Variants in TMED3 observed in about 807,000 individuals in gnomAD.
TMED3 encodes the protein transmembrane p24 trafficking protein 3, also known as transmembrane emp24 domain-containing protein 3.
Under a neutral mutation model 15.0 loss-of-function variants are expected in TMED3, and 9 were observed. That is an observed-to-expected ratio of 0.60 (90% confidence interval 0.36 to 1.04). TMED3 has a LOEUF of 1.04. Among genes scored for constraint, TMED3 ranks in the 50% least tolerant of loss-of-function variants. TMED3 has a pLI of 0.01. For synonymous variants in TMED3, 117 were observed against 121.4 expected (o/e 0.96, Z 0.24); for missense variants, 267 against 278.9 (o/e 0.96, Z 0.30).
At chr15:79,381,322 AC>A (rs1893532944) in intron 2 of TMED3, among the ~76,000 whole-genome samples, 1 of 152,088 alleles carries the variant, frequency 6.6e-6, no homozygotes, top group Admixed American at 6.6e-5. Flanking sequence ...GTGCACACAG[AC>A]CCCATGAACC....
At chr15:79,386,306 A>C (rs1019072740) in intron 2 of TMED3, among the ~76,000 whole-genome samples, 5 of 152,230 alleles carry the variant, frequency 3.3e-5, no homozygotes, top group African/African-American at 1.2e-4. Flanking sequence ...CATAATAAAC[A>C]AAACAAAATA....
intron 2 of TMED3, among the ~76,000 whole-genome samples, chr15:79,380,337 G>A (rs944848773): frequency 4.6e-5 from 7 of 150,976 alleles, no homozygotes; most frequent in Admixed American, 3.3e-4. Flanking sequence ...GCGACAGAGC[G>A]AGACTCTGTC....
intron 2 of TMED3, among the ~76,000 whole-genome samples, chr15:79,340,197 G>C (rs961822096): frequency 6.6e-6 from 1 of 152,176 alleles, no homozygotes; most frequent in Non-Finnish European, 1.5e-5. Flanking sequence ...ATGACCACAA[G>C]AGGACAGTAG....
At chr15:79,377,748 C>T (rs1057079571) in intron 2 of TMED3, among the ~76,000 whole-genome samples, 4 of 151,446 alleles carry the variant, frequency 2.6e-5, no homozygotes, top group Admixed American at 6.6e-5. Flanking sequence ...CCCGGGTTCA[C>T]CCATTCGCCT....
intron 2 of TMED3, among the ~76,000 whole-genome samples, chr15:79,394,357 A>G (rs1266278991): frequency 1.3e-5 from 2 of 152,164 alleles, no homozygotes; most frequent in African/African-American, 4.8e-5. Context: ...TACTGCGACA[A>G]GTTTCTTTTG....
chr15:79,374,453 T>G (rs529203477), intron 2 of TMED3, among the ~76,000 whole-genome samples: 1 of 152,300 alleles, frequency 6.6e-6, no homozygotes, highest in African/African-American at 2.4e-5. Flanking sequence ...ATTCAGTCAG[T>G]TGGGGGGCTT....
chr15:79,329,724 A>G (rs530133100), intron 2 of TMED3, among the ~76,000 whole-genome samples: 4 of 152,268 alleles, frequency 2.6e-5, no homozygotes, highest in Admixed American at 6.5e-5. Context: ...GAATAAAACC[A>G]TATTTCACCT....
At chr15:79,357,524 C>CTTT (rs76929710) in intron 2 of TMED3, among the ~76,000 whole-genome samples, 16 of 130,558 alleles carry the variant, frequency 1.2e-4, no homozygotes, top group African/African-American at 2.5e-4. Context: ...AGAATTTAAA[C>CTTT]TTTTTTTTTT....
intron 2 of TMED3, among the ~76,000 whole-genome samples, chr15:79,334,412 G>A (rs79821137): frequency 0.012 from 1,836 of 152,274 alleles, 83 homozygotes; most frequent in East Asian, 0.11. Flanking sequence ...CAGCAGGGGT[G>A]ACCCCTTCTC....
chr15:79,328,314 T>C (rs1003804254), intron 2 of TMED3, among the ~76,000 whole-genome samples: 32 of 152,070 alleles, frequency 2.1e-4, no homozygotes, highest in Non-Finnish European at 3.4e-4. Context: ...AAAGAAAATA[T>C]ATTTGAGTTG....
chr15:79,350,075 A>G (rs1394646236), intron 2 of TMED3, among the ~76,000 whole-genome samples: 2 of 152,168 alleles, frequency 1.3e-5, no homozygotes. Context: ...GCTGTATCCC[A>G]GTGCCTAGAG....
At chr15:79,360,187 T>C (rs890287257) in intron 2 of TMED3, among the ~76,000 whole-genome samples, 1 of 152,148 alleles carries the variant, frequency 6.6e-6, no homozygotes, top group East Asian at 1.9e-4. Flanking sequence ...GTGCAGCAGG[T>C]GCAGGAGGAC....
At chr15:79,353,280 A>T (rs60335025) in intron 2 of TMED3, among the ~76,000 whole-genome samples, 4 of 28,466 alleles carry the variant, frequency 1.4e-4, no homozygotes, top group African/African-American at 6.9e-4. Context: ...AATATATATA[A>T]TATATATTAT....
chr15:79,344,943 G>A (rs2058864293), intron 2 of TMED3, among the ~76,000 whole-genome samples: 2 of 152,112 alleles, frequency 1.3e-5, no homozygotes, highest in African/African-American at 4.8e-5. Context: ...GACTGTTTTT[G>A]TTTTATAATT....
intron 2 of TMED3, among the ~76,000 whole-genome samples, chr15:79,388,912 G>A (rs1271825530): frequency 1.3e-5 from 2 of 151,932 alleles, no homozygotes; most frequent in Admixed American, 1.3e-4. Context: ...ATCTATTCAT[G>A]TCCTTAGCCC....
chr15:79,364,313 T>TC (rs1893187276), intron 2 of TMED3, among the ~76,000 whole-genome samples: 1 of 152,114 alleles, frequency 6.6e-6, no homozygotes, highest in South Asian at 2.1e-4. Flanking sequence ...CTGTGCAAGT[T>TC]CCCTTATATG....
intron 2 of TMED3, among the ~76,000 whole-genome samples, chr15:79,342,079 CTAAA>C (rs563748675): frequency 6.6e-5 from 10 of 152,232 alleles, no homozygotes; most frequent in Admixed American, 4.6e-4. Flanking sequence ...AAAATTATGA[CTAAA>C]TATGTCATTA....
chr15:79,321,088 G>C (rs751146905), intron 2 of TMED3, among the ~76,000 whole-genome samples: 22 of 152,210 alleles, frequency 1.4e-4, no homozygotes, highest in Non-Finnish European at 2.5e-4. Context: ...TCATGCTTCA[G>C]AACTGTCTTG....
At chr15:79,404,244 G>A (rs1325205641) in intron 2 of TMED3, among the ~76,000 whole-genome samples, 1 of 152,130 alleles carries the variant, frequency 6.6e-6, no homozygotes, top group African/African-American at 2.4e-5. Flanking sequence ...TAGGTGGAGG[G>A]GCCTATTGTA....
Sources: gnomAD v4.1 joint callset for allele counts (sites outside exome capture counted in the v4.1 genomes callset) on GRCh38, gnomAD v4.1.1 for gene constraint, MANE v1.5 for transcripts, NCBI Gene and HGNC (gene_info 2026-07-23, HGNC 2026-07-21) for gene names.